TENT4A: variants seen among roughly 807,000 people sequenced by gnomAD.
TENT4A encodes the protein terminal nucleotidyltransferase 4A.
TENT4A carries 7 observed loss-of-function variants against 72.8 expected under a neutral mutation model. The ratio of observed to expected loss-of-function variants is 0.10; its 90% CI spans 0.05 to 0.18. The LOEUF (loss-of-function observed/expected upper bound fraction) is 0.18, where lower values mean the gene tolerates loss of function less well. TENT4A is among the 10% of genes least tolerant of loss of function. The probability of loss-of-function intolerance (pLI) is 1.00; values close to 1 mark genes in which losing one functional copy is unlikely to be tolerated. For missense variants in TENT4A, 831 were observed against 1,017.7 expected (o/e 0.82, Z 2.50); for synonymous variants, 456 against 434.3 (o/e 1.05, Z -0.62).
rs1740252854 is a variant in TENT4A at position 6,714,410 on chromosome 5, G to T, written c.427G>T (p.Gly143Cys). The T allele has an allele frequency of 8.7e-7, 1 of 1,145,776 alleles. No homozygotes were observed. The highest frequency in any genetic ancestry group is 1.1e-6 in the Non-Finnish European group (1 of 933,290). 71.0% of individuals were successfully genotyped at this position (1,145,776 alleles called of 1,614,324 possible). A position where few individuals can be genotyped will look rare whatever the true frequency, so the allele number is the denominator to read the frequency against. ...SSSASLGRPG[G>C]GRGGAFFNFA... ...CAGCGCCTCGCTGGGCCGGCCGGGC[G>T]GCGGCCGCGGCGGCGCCTTCTTCAA... Residue 143 changes from glycine to cysteine, a missense_variant, in exon 1 of 13, where the codon GGC becomes TGC. Gly to Cys is a radical substitution (Grantham distance 159). Transcript: ENST00000230859.
chr5:6,742,040 A>G (rs1212648244), intron 4 of TENT4A, among the ~76,000 whole-genome samples: 1 of 152,242 alleles, frequency 6.6e-6, no homozygotes, highest in Non-Finnish European at 1.5e-5. Flanking sequence ...AAGTTGTCTT[A>G]AAGAGTGAAA....
rs547134668 is a variant in TENT4A at position 6,750,613 on chromosome 5, C to A, written c.1860+110C>A. The A allele has an allele frequency of 2.8e-6, 3 of 1,079,442 alleles. No homozygotes were observed. The African/African-American group carries it at 4.9e-5, about 17-fold the overall frequency. 66.9% of individuals were successfully genotyped at this position (1,079,442 alleles called of 1,614,324 possible). A position where few individuals can be genotyped will look rare whatever the true frequency, so the allele number is the denominator to read the frequency against. ...CCTTGGTTTTGCTCAGGTTTTGTTTCCTTGTATGTGTGTGGAGGTGGGTGG... is the reference window on the plus strand; with the variant it reads ...CCTTGGTTTTGCTCAGGTTTTGTTTACTTGTATGTGTGTGGAGGTGGGTGG... On this transcript the variant is annotated intron_variant, in intron 10 of 12. Transcript: ENST00000230859.
rs1372488711 is a variant in TENT4A, at chr5:6,713,764, G to C, written c.-220G>C. 4 of 145,454 alleles carry C rather than the reference G, an allele frequency of 2.8e-5. No individual in the cohort carries two copies. Among genetic ancestry groups the C allele is most frequent in the African/African-American group, 7.5e-5 (3 of 40,194 alleles). The allele number at this position is 145,454 out of a possible 1,614,324, so 9.0% of individuals were successfully genotyped here. On this transcript the variant is annotated 5_prime_UTR_variant, in exon 1 of 13. Transcript: ENST00000230859. ...GGAGCCGCCCGCCGCGGCCTGCCGG[G>C]GCCCATCACCGCCGCCGCCGCCCCA...
intron 11 of TENT4A, 36 bp from the exon 12 acceptor site, chr5:6,752,837 T>C: frequency 1.3e-6 from 2 of 1,599,868 alleles, no homozygotes; most frequent in Non-Finnish European, 1.7e-6. Context: ...CTCTGATTGC[T>C]TTGGTACCCA....
rs1458924562 is a variant in TENT4A at position 6,713,886 on chromosome 5, C to T, written c.-98C>T. ...CCGCCGCCACCGGCCCAGGCCCGTCCGTCCGTCCGTGCGCGCGCGGCCGGG... is the reference window on the plus strand; with the variant it reads ...CCGCCGCCACCGGCCCAGGCCCGTCTGTCCGTCCGTGCGCGCGCGGCCGGG... On this transcript the variant is annotated 5_prime_UTR_variant, in exon 1 of 13. Transcript: ENST00000230859. 7.0e-6 allele frequency: 2 copies of T among 286,440 alleles called. No individual in the cohort carries two copies. The highest frequency in any genetic ancestry group is 3.6e-4 in the East Asian group (2 of 5,602). 17.7% of individuals were successfully genotyped at this position (286,440 alleles called of 1,614,324 possible).
chr5:6,753,485 A>T (rs1261354616), intron 12 of TENT4A, among the ~76,000 whole-genome samples: 1 of 152,266 alleles, frequency 6.6e-6, no homozygotes, highest in East Asian at 1.9e-4. Flanking sequence ...CAGGGCTGGC[A>T]GAGCTGTGTG....
chr5:6,725,470 T>C (rs1740871045), intron 1 of TENT4A, among the ~76,000 whole-genome samples: 1 of 152,200 alleles, frequency 6.6e-6, no homozygotes, highest in African/African-American at 2.4e-5. Flanking sequence ...GCCCTGATTT[T>C]CCCAAGAGGA....
intron 1 of TENT4A, among the ~76,000 whole-genome samples, chr5:6,727,066 C>T (rs1418679353): frequency 6.6e-6 from 1 of 152,096 alleles, no homozygotes; most frequent in Non-Finnish European, 1.5e-5. Flanking sequence ...TGTTCCACTC[C>T]TTGTCGCCAT....
intron 1 of TENT4A, among the ~76,000 whole-genome samples, chr5:6,715,799 T>G (rs1259226645): frequency 6.6e-6 from 1 of 152,234 alleles, no homozygotes; most frequent in Non-Finnish European, 1.5e-5. Flanking sequence ...GTTCTGTAAC[T>G]TATTTCACCT....
At chr5:6,748,178 G>C (rs1165698641) in intron 7 of TENT4A, among the ~76,000 whole-genome samples, 2 of 152,238 alleles carry the variant, frequency 1.3e-5, no homozygotes, top group African/African-American at 4.8e-5. Flanking sequence ...GTCTGTGAAT[G>C]GCAGCCGCCT....
intron 1 of TENT4A, among the ~76,000 whole-genome samples, chr5:6,730,213 G>A (rs567966175): frequency 1.3e-5 from 2 of 152,158 alleles, no homozygotes; most frequent in South Asian, 4.2e-4. Context: ...AGGCACCTCT[G>A]CTCACACTCC....
At chr5:6,753,063 C>A in intron 12 of TENT4A, 26 bp downstream of exon 12, 8 of 1,568,528 alleles carry the variant, frequency 5.1e-6, no homozygotes, top group Non-Finnish European at 7.0e-6. Flanking sequence ...GGTGCATTCA[C>A]CTACCTGTTC....
chr5:6,724,218 A>G (rs1247742808), intron 1 of TENT4A, among the ~76,000 whole-genome samples: 1 of 152,208 alleles, frequency 6.6e-6, no homozygotes, highest in Non-Finnish European at 1.5e-5. Flanking sequence ...CCTCCCCCAC[A>G]GAGAGGGCAC....
chr5:6,745,483 A>G (rs1458278396), intron 6 of TENT4A, among the ~76,000 whole-genome samples: 3 of 152,156 alleles, frequency 2.0e-5, no homozygotes, highest in Non-Finnish European at 2.9e-5. Flanking sequence ...GCTACTGAGT[A>G]TTGCAGTGTG....
At chr5:6,727,466 G>T (rs746454239) in intron 1 of TENT4A, among the ~76,000 whole-genome samples, 2 of 152,190 alleles carry the variant, frequency 1.3e-5, no homozygotes, top group Non-Finnish European at 2.9e-5. Context: ...CTCTGTAGCT[G>T]GCCCATGGAG....
chr5:6,742,692 C>A, intron 5 of TENT4A, 95 bp downstream of exon 5: 1 of 739,024 alleles, frequency 1.4e-6, no homozygotes, highest in Non-Finnish European at 2.5e-6. Flanking sequence ...CAGCTGCACA[C>A]ACAAGTCTTT....
At chr5:6,752,834 T>A in intron 11 of TENT4A, 39 bp from the exon 12 acceptor site, 1 of 1,589,718 alleles carries the variant, frequency 6.3e-7, no homozygotes, top group East Asian at 2.3e-5. Flanking sequence ...TTCCTCTGAT[T>A]GCTTTGGTAC....
rs1741700795 is a variant in TENT4A at position 6,739,720 on chromosome 5, T to C, written c.888-12T>C. 1 of 1,613,688 alleles carries C rather than the reference T, an allele frequency of 6.2e-7. No individual in the cohort carries two copies. ...AGGGGAGCAGTGGCTGACGTGCGTT[T>C]TCTTCTGTCAGCGACATAGACCTGG... On this transcript the variant is annotated splice_polypyrimidine_tract_variant and intron_variant, in intron 3 of 12. Transcript: ENST00000230859.
At position 6,713,942 on chromosome 5, in the gene TENT4A, C is replaced by A; in HGVS notation, c.-42C>A. On this transcript the variant is annotated 5_prime_UTR_variant, in exon 1 of 13. Coordinates refer to ENST00000230859, the MANE Select transcript of TENT4A (RefSeq NM_006999.6). ...GGGCGCGGCGGGGGCGGGGCCGCGTCGGGGCGGGCGGGCGCGCGGGCCCCG... is the reference window on the plus strand; with the variant it reads ...GGGCGCGGCGGGGGCGGGGCCGCGTAGGGGCGGGCGGGCGCGCGGGCCCCG... The A allele has an allele frequency of 3.5e-6, 3 of 859,820 alleles. No homozygotes were observed. Among genetic ancestry groups the A allele is most frequent in the Non-Finnish European group, 4.2e-6 (3 of 718,928 alleles). The allele number at this position is 859,820 out of a possible 1,614,324, so 53.3% of individuals were successfully genotyped here. A position where few individuals can be genotyped will look rare whatever the true frequency, so the allele number is the denominator to read the frequency against.
Sources: allele counts gnomAD v4.1 joint callset (sites outside exome capture counted in the v4.1 genomes callset), GRCh38; gene constraint gnomAD v4.1.1; transcripts MANE v1.5; gene names NCBI Gene and HGNC (gene_info 2026-07-23, HGNC 2026-07-21).